Variants in DOCK11 observed in about 807,000 individuals in gnomAD.
The protein encoded by DOCK11 is dedicator of cytokinesis 11.
In DOCK11, 70 loss-of-function variants were observed where a neutral mutation model predicts 169.1. The observed-to-expected ratio is 0.41, with a 90% CI of 0.34 to 0.51. The LOEUF (loss-of-function observed/expected upper bound fraction) is 0.51. Ranked by LOEUF, DOCK11 falls within the 20% of genes least tolerant of loss-of-function variation. The pLI, the probability that DOCK11 is intolerant of heterozygous loss-of-function variation, is 0.10. For synonymous variants in DOCK11, 529 were observed against 541.3 expected (o/e 0.98, Z 0.32); for missense variants, 1,166 against 1,538.8 (o/e 0.76, Z 4.05).
At chrX:118,510,083 A>ATTTAATC (rs2057640434) in intron 1 of DOCK11, among the ~76,000 whole-genome samples, 2 of 112,458 alleles carry the variant, frequency 1.8e-5, no homozygotes. Context: ...TCATGCCTGC[A>ATTTAATC]AAGTCTTCTT....
At chrX:118,558,340 C>A (rs1269835763) in intron 6 of DOCK11, among the ~76,000 whole-genome samples, 4 of 111,271 alleles carry the variant, frequency 3.6e-5, no homozygotes, top group African/African-American at 1.3e-4. Flanking sequence ...GATAATGATA[C>A]TTACCCCAAG....
Position 118,654,744 on chromosome X carries a change from G to A in DOCK11, c.4838G>A (p.Ser1613Asn), listed in dbSNP as rs1454761402. 1 of 1,210,074 alleles carries A rather than the reference G, an allele frequency of 8.3e-7. No homozygotes were observed. Among genetic ancestry groups the A allele is most frequent in the Non-Finnish European group, 1.1e-6 (1 of 895,326 alleles). The change falls in exon 43 of 53, where the codon AGC (serine) becomes AAC (asparagine). Residue 1613 changes from serine (S) to asparagine (N), a missense_variant. Physicochemically the swap from Ser to Asn is conservative, Grantham distance 46. Transcript: ENST00000276202. ...TATAGCTTAGCCAAGTCCTATGCAAGCACCCCAGAGCTCAGGAAAACCTGG... is the reference window on the plus strand; with the variant it reads ...TATAGCTTAGCCAAGTCCTATGCAAACACCCCAGAGCTCAGGAAAACCTGG... ...LQYSLAKSYA[S>N]TPELRKTWLD...
chrX:118,578,400 A>T, intron 12 of DOCK11, 125 bp from the exon 13 acceptor site: 1 of 759,035 alleles, frequency 1.3e-6, no homozygotes, highest in East Asian at 3.7e-5. Context: ...AATTCTATCT[A>T]TTTCTAGGGT....
chrX:118,605,959 A>G (rs2014486125), intron 24 of DOCK11, among the ~76,000 whole-genome samples: 1 of 111,905 alleles, frequency 8.9e-6, no homozygotes, highest in Non-Finnish European at 1.9e-5. Context: ...TAAATATATA[A>G]GTTCCAATTG....
At chrX:118,545,895 C>T (rs941725473) in intron 5 of DOCK11, 126 bp from the exon 6 acceptor site, 25 of 460,367 alleles carry the variant, frequency 5.4e-5, no homozygotes, top group East Asian at 1.8e-4. Flanking sequence ...TAAATCCTCA[C>T]GGGGAAGAGG....
rs780156146 is a variant in DOCK11, at chrX:118,568,176, A to G, written c.1035+14A>G. 1.2e-5 allele frequency: 12 copies of G among 989,539 alleles called. No homozygotes were observed. The East Asian group carries it at 3.6e-4, about 30-fold the overall frequency. 81.5% of individuals were successfully genotyped at this position (989,539 alleles called of 1,213,427 possible). Reference sequence around the variant, plus strand: ...TCAGAAGTTCAGGTATTAATGATACATTTCTTTAATAGTCCTAGAATTATT... The same window carrying G: ...TCAGAAGTTCAGGTATTAATGATACGTTTCTTTAATAGTCCTAGAATTATT... On this transcript the variant is annotated intron_variant, in intron 10 of 52. Transcript: ENST00000276202.
At chrX:118,537,479 C>T (rs1247598407) in intron 1 of DOCK11, among the ~76,000 whole-genome samples, 2 of 111,848 alleles carry the variant, frequency 1.8e-5, no homozygotes, top group East Asian at 5.6e-4. Context: ...GTAACCCAGG[C>T]TCATTTTGCA....
intron 44 of DOCK11, among the ~76,000 whole-genome samples, chrX:118,659,659 A>G (rs2016165542): frequency 1.8e-5 from 2 of 112,215 alleles, no homozygotes; most frequent in African/African-American, 6.5e-5. Context: ...TAACACACTT[A>G]GCAAGAATAT....
Position 118,554,108 on chromosome X carries a change from T to G in DOCK11, c.559-7275T>G, listed in dbSNP as rs2012596488. Among the ~76,000 whole-genome samples, 3 of 111,720 alleles carry G rather than the reference T, an allele frequency of 2.7e-5. No homozygotes were observed. The Admixed American group carries it at 2.9e-4, about 11-fold the overall frequency. On this transcript the variant is annotated intron_variant, in intron 6 of 52. Coordinates refer to ENST00000276202, the MANE Select transcript of DOCK11 (RefSeq NM_144658.4). The stretch of plus-strand genomic sequence containing the variant: ...GCCTCCAACACCTGGGCTGAAGCGA[T>G]CCTCTTGCCTCAGGCTCCCAAGTAC...
intron 52 of DOCK11, 62 bp from the exon 53 acceptor site, chrX:118,685,626 A>G (rs1254619556): frequency 1.7e-6 from 2 of 1,170,855 alleles, no homozygotes; most frequent in Non-Finnish European, 2.3e-6. Context: ...TCATATACAC[A>G]TTCTTTTTTT....
At chrX:118,563,705 T>G (rs960684719) in intron 7 of DOCK11, among the ~76,000 whole-genome samples, 1 of 108,158 alleles carries the variant, frequency 9.2e-6, no homozygotes, top group Non-Finnish European at 1.9e-5. Flanking sequence ...TTAAAAAATT[T>G]TTTTCTTTTC....
chrX:118,650,813 G>T (rs939350571), intron 41 of DOCK11, among the ~76,000 whole-genome samples: 1 of 111,817 alleles, frequency 8.9e-6, no homozygotes, highest in African/African-American at 3.2e-5. Context: ...TGAAGACTTA[G>T]AACACTGTCT....
intron 6 of DOCK11, among the ~76,000 whole-genome samples, chrX:118,555,406 G>C (rs2012648294): frequency 1.8e-5 from 2 of 109,876 alleles, no homozygotes; most frequent in Admixed American, 1.9e-4. Flanking sequence ...AAGACAAAAA[G>C]CTTAGCCGGG....
intron 3 of DOCK11, 53 bp downstream of exon 3, chrX:118,543,068 A>G (rs1190930122): frequency 2.0e-5 from 18 of 904,470 alleles, no homozygotes; most frequent in Non-Finnish European, 2.8e-5. Flanking sequence ...TAAAATATAT[A>G]CAGTATTTAT....
intron 24 of DOCK11, among the ~76,000 whole-genome samples, chrX:118,606,332 G>A (rs1188355037): frequency 3.6e-5 from 4 of 111,801 alleles, no homozygotes; most frequent in African/African-American, 1.3e-4. Context: ...GCCTCCCAGT[G>A]CTGGGATTAC....
At chrX:118,520,722 G>A (rs2057716820) in intron 1 of DOCK11, among the ~76,000 whole-genome samples, 1 of 112,211 alleles carries the variant, frequency 8.9e-6, no homozygotes, top group South Asian at 3.7e-4. Context: ...TAATATCATA[G>A]ATGACTCATT....
intron 40 of DOCK11, among the ~76,000 whole-genome samples, chrX:118,647,781 TATATAATATATTATA>T (rs2015762392): frequency 9.5e-5 from 3 of 31,685 alleles, no homozygotes; most frequent in African/African-American, 1.8e-4. Context: ...TATATAATAA[TATATAATATATTATA>T]ATATATAATA....
chrX:118,527,907 A>C (rs1370149132), intron 1 of DOCK11, among the ~76,000 whole-genome samples: 1 of 112,240 alleles, frequency 8.9e-6, no homozygotes, highest in East Asian at 2.8e-4. Context: ...CCAAGAATTG[A>C]CTAAACCCCC....
chrX:118,597,509 T>A lies in DOCK11; in HGVS notation c.2342T>A (p.Leu781His). Residue 781 changes from leucine (L) to histidine (H), a missense_variant, in exon 21 of 53, where the codon CTT (leucine) becomes CAT (histidine). By Grantham distance (99) the Leu-to-His change is moderately conservative. Transcript: ENST00000276202. ...FEQQLPVSAN[L>H]PPGYLNLNDA... ...CAGCAGCTGCCAGTTTCCGCCAATCTTCCCCCAGGCTACTTGAATCTGAAT... is the reference window on the plus strand; with the variant it reads ...CAGCAGCTGCCAGTTTCCGCCAATCATCCCCCAGGCTACTTGAATCTGAAT... 8.3e-7 allele frequency: 1 copy of A among 1,211,557 alleles called. No homozygotes were observed. Among genetic ancestry groups the A allele is most frequent in the Non-Finnish European group, 1.1e-6 (1 of 895,281 alleles).
Sources: gnomAD v4.1 joint callset for allele counts (sites outside exome capture counted in the v4.1 genomes callset) on GRCh38, gnomAD v4.1.1 for gene constraint, MANE v1.5 for transcripts, NCBI Gene and HGNC (gene_info 2026-07-23, HGNC 2026-07-21) for gene names.